Variants in NBAS observed in about 807,000 individuals in gnomAD.
NBAS encodes NBAS subunit of NRZ tethering complex, also known as NAG/BC035112 fusion.
Under a neutral mutation model 302.5 loss-of-function variants are expected in NBAS, and 219 were observed. The observed-to-expected ratio is 0.72, with a 90% CI of 0.65 to 0.81. NBAS has a LOEUF of 0.81. Ranked by LOEUF, NBAS falls within the 30% of genes least tolerant of loss-of-function variation. The probability of loss-of-function intolerance (pLI) is 0.00; values close to 1 mark genes in which losing one functional copy is unlikely to be tolerated. For synonymous variants in NBAS, 1,118 were observed against 1,021.6 expected (o/e 1.09, Z -1.80); for missense variants, 2,932 against 2,841.6 (o/e 1.03, Z -0.72).
At chr2:15,417,444 A>G (rs1324621708) in intron 24 of NBAS, 83 bp downstream of exon 24, 5 of 1,199,102 alleles carry the variant, frequency 4.2e-6, no homozygotes, top group East Asian at 2.5e-5. Context: ...AGAACATTTC[A>G]TCTTTGGTTT....
intron 40 of NBAS, among the ~76,000 whole-genome samples, chr2:15,294,187 G>A (rs538424579): frequency 1.3e-5 from 2 of 152,278 alleles, no homozygotes; most frequent in African/African-American, 4.8e-5. Context: ...AGGGTGCTCT[G>A]GGAATACACA....
chr2:15,298,222 A>G (rs1474867975), intron 40 of NBAS, among the ~76,000 whole-genome samples: 1 of 152,116 alleles, frequency 6.6e-6, no homozygotes, highest in African/African-American at 2.4e-5. Context: ...AAATTCTATT[A>G]ATTTTTTGAT....
rs116671811 is a variant in NBAS at position 15,273,797 on chromosome 2, C to T, written c.5724+1687G>A. On this transcript the variant is annotated intron_variant, in intron 44 of 51. Coordinates refer to ENST00000281513, the MANE Select transcript of NBAS (RefSeq NM_015909.4). ...GTCTTTTAAAATCACCCTTATTGGC[C>T]GGGTGCAGTGGCTCACATCTGTAAT... Among the ~76,000 whole-genome samples the T allele has an allele frequency of 1.2e-3, 185 of 152,084 alleles. 1 individual carries two copies. The highest frequency in any genetic ancestry group is 4.1e-3 in the African/African-American group (170 of 41,472).
At chr2:15,278,360 A>T (rs1669679959) in intron 42 of NBAS, among the ~76,000 whole-genome samples, 1 of 152,142 alleles carries the variant, frequency 6.6e-6, no homozygotes, top group Non-Finnish European at 1.5e-5. Context: ...GTCTATAAAA[A>T]TTTCTCTCAC....
chr2:15,422,572 T>G (rs1677264154), intron 23 of NBAS, among the ~76,000 whole-genome samples: 1 of 152,074 alleles, frequency 6.6e-6, no homozygotes, highest in African/African-American at 2.4e-5. Context: ...CACAGCTTAT[T>G]TTGCATTCCA....
intron 44 of NBAS, among the ~76,000 whole-genome samples, chr2:15,261,465 A>G (rs1051245046): frequency 4.6e-5 from 7 of 152,272 alleles, no homozygotes; most frequent in African/African-American, 1.4e-4. Context: ...TACACTTAAC[A>G]TCACCATAAT....
the NBAS span, among the ~76,000 whole-genome samples, chr2:15,158,103 C>T: frequency 6.6e-6 from 1 of 152,162 alleles, no homozygotes; most frequent in African/African-American, 2.4e-5. Context: ...ATTCCAATGA[C>T]CTTATTCCCT....
In NBAS at chr2:15,529,858, A is replaced by G. The variant is rs537790298; in HGVS notation, c.746+4685T>C. 7.2e-5 allele frequency among the ~76,000 whole-genome samples: 11 copies of G among 152,338 alleles called. No homozygotes were observed. The South Asian group carries it at 1.4e-3, about 20-fold the overall frequency. On this transcript the variant is annotated intron_variant, in intron 9 of 51. Coordinates refer to ENST00000281513, the MANE Select transcript of NBAS (RefSeq NM_015909.4). ...TATAAGAATTTGACAAAAAATCAAA[A>G]TGGCATGATTTTATAATTGTAATAT...
At chr2:14,900,813 A>T in the NBAS span, among the ~76,000 whole-genome samples, 1 of 152,258 alleles carries the variant, frequency 6.6e-6, no homozygotes, top group Non-Finnish European at 1.5e-5. Context: ...AAGGAAGCAG[A>T]AGAACTTCAG....
chr2:15,069,729 A>C, the NBAS span, among the ~76,000 whole-genome samples: 1 of 152,212 alleles, frequency 6.6e-6, no homozygotes, highest in South Asian at 2.1e-4. Context: ...TTTTAAGGAT[A>C]TTTTTTCTCT....
chr2:15,208,021 C>T (rs1989561), intron 48 of NBAS, among the ~76,000 whole-genome samples: 43,748 of 144,832 alleles, frequency 0.3, 6,893 homozygotes, highest in African/African-American at 0.46. Context: ...AATGCTTGAG[C>T]ACCCAGATAT....
intron 30 of NBAS, among the ~76,000 whole-genome samples, chr2:15,375,022 C>T (rs1572742094): frequency 6.6e-6 from 1 of 152,072 alleles, no homozygotes; most frequent in Non-Finnish European, 1.5e-5. Context: ...GTGTTCAGTG[C>T]CGTTTTTACT....
At chr2:15,277,507 T>C (rs1166172851) in intron 42 of NBAS, among the ~76,000 whole-genome samples, 4 of 152,220 alleles carry the variant, frequency 2.6e-5, no homozygotes, top group Non-Finnish European at 5.9e-5. Context: ...AACAGCCTTA[T>C]TATTTCAGGA....
intron 9 of NBAS, among the ~76,000 whole-genome samples, chr2:15,532,381 C>T (rs1370512658): frequency 1.3e-5 from 2 of 150,254 alleles, no homozygotes; most frequent in Non-Finnish European, 3.0e-5. Flanking sequence ...CCCAGCTACT[C>T]GGGAGGCTGA....
intron 50 of NBAS, among the ~76,000 whole-genome samples, chr2:15,180,671 T>A (rs1348440122): frequency 6.6e-6 from 1 of 152,222 alleles, no homozygotes; most frequent in African/African-American, 2.4e-5. Flanking sequence ...ACATTCTGTA[T>A]CTGCACTGCC....
downstream of NBAS, chr2:15,166,902 C>T (rs1664042205): frequency 5.5e-6 from 6 of 1,087,690 alleles, no homozygotes; most frequent in Non-Finnish European, 6.3e-6. Context: ...GTTAAAAAAG[C>T]GGCAGCTTGC....
chr2:15,333,897 G>A (rs551609186), intron 35 of NBAS, among the ~76,000 whole-genome samples: 19 of 150,288 alleles, frequency 1.3e-4, no homozygotes, highest in African/African-American at 4.6e-4. Context: ...AGAGGACCAG[G>A]TTCGTACAGA....
chr2:15,117,002 CCTAT>C, the NBAS span, among the ~76,000 whole-genome samples: 1 of 152,038 alleles, frequency 6.6e-6, no homozygotes, highest in African/African-American at 2.4e-5. Context: ...TTTCCTCTTC[CCTAT>C]CTGATAGTAA....
the NBAS span, among the ~76,000 whole-genome samples, chr2:14,928,553 T>A: frequency 6.6e-6 from 1 of 152,164 alleles, no homozygotes; most frequent in Non-Finnish European, 1.5e-5. Flanking sequence ...TTAATACAAA[T>A]AATAAGAATG....
Sources: gnomAD v4.1 joint callset for allele counts (sites outside exome capture counted in the v4.1 genomes callset) on GRCh38, gnomAD v4.1.1 for gene constraint, MANE v1.5 for transcripts, NCBI Gene and HGNC (gene_info 2026-07-23, HGNC 2026-07-21) for gene names.